Variants in MOGAT1 observed in about 807,000 individuals in gnomAD.
MOGAT1 encodes 2-acylglycerol O-acyltransferase 1.
Under a neutral mutation model 31.4 loss-of-function variants are expected in MOGAT1, and 32 were observed. That is an observed-to-expected ratio of 1.02 (90% CI 0.77 to 1.37). MOGAT1 has a LOEUF of 1.37. MOGAT1 is among the 40% of genes most tolerant of loss of function. MOGAT1 has a pLI of 0.00. For synonymous variants in MOGAT1, 145 were observed against 144.5 expected (o/e 1.00, Z -0.03); for missense variants, 426 against 402.0 (o/e 1.06, Z -0.51).
At position 222,685,895 on chromosome 2, in the gene MOGAT1, C is replaced by T. The variant is rs1240833650; in HGVS notation, c.95-2449C>T. On this transcript the variant is annotated intron_variant, in intron 1 of 5. Transcript: ENST00000446656. ...GATTACAGTCACGAGCCACTGTGCC[C>T]GGCTGTGTTTTCTTCTTTTGATGTA... 4.0e-5 allele frequency among the ~76,000 whole-genome samples: 6 copies of T among 151,810 alleles called. No individual in the cohort carries two copies. In the South Asian group the frequency reaches 6.2e-4, roughly 16 times the overall value.
In MOGAT1 at chr2:222,688,422, T is replaced by G. The variant is rs1291548115; in HGVS notation, c.173T>G (p.Leu58Arg). ...LFLYIPYLMW[L>R]YFDWHTPERG... The stretch of plus-strand genomic sequence containing the variant: ...CTTTACATCCCTTATTTGATGTGGC[T>G]TTACTTTGACTGGCATACCCCAGAG... The change falls in exon 2 of 6, where the codon CTT becomes CGT. Residue 58 changes from leucine to arginine, a missense_variant. Transcript: ENST00000446656. 1 of 1,613,732 alleles carries G rather than the reference T, an allele frequency of 6.2e-7. No individual in the cohort carries two copies. Among genetic ancestry groups the G allele is most frequent in the East Asian group, 2.2e-5 (1 of 44,876 alleles).
chr2:222,704,516 C>G (rs915639118), intron 5 of MOGAT1, among the ~76,000 whole-genome samples: 1 of 151,678 alleles, frequency 6.6e-6, no homozygotes, highest in Non-Finnish European at 1.5e-5. Context: ...CCCAGCTACT[C>G]GGGAGGCTGA....
At chr2:222,690,193 T>G (rs1301847441) in intron 3 of MOGAT1, among the ~76,000 whole-genome samples, 2 of 152,156 alleles carry the variant, frequency 1.3e-5, no homozygotes, top group African/African-American at 4.8e-5. Flanking sequence ...AGGTCAAGGC[T>G]GCAGTGACCG....
intron 3 of MOGAT1, among the ~76,000 whole-genome samples, chr2:222,691,077 T>C (rs976326964): frequency 3.9e-5 from 6 of 152,160 alleles, no homozygotes; most frequent in Non-Finnish European, 7.4e-5. Context: ...ATCAGACACA[T>C]ATACTCCATC....
Position 222,671,698 on chromosome 2 carries a change from C to G in MOGAT1, c.-88C>G, listed in dbSNP as rs1692417958. 6 of 1,144,746 alleles carry G rather than the reference C, an allele frequency of 5.2e-6. No homozygotes were observed. Among genetic ancestry groups the G allele is most frequent in the Admixed American group, 2.1e-5 (1 of 47,726 alleles). The allele number at this position is 1,144,746 out of a possible 1,614,324, so 70.9% of individuals were successfully genotyped here. A position where few individuals can be genotyped will look rare whatever the true frequency, so the allele number is the denominator to read the frequency against. On this transcript the variant is annotated 5_prime_UTR_variant, in exon 1 of 6. Coordinates refer to ENST00000446656, the MANE Select transcript of MOGAT1 (RefSeq NM_058165.3). ...CCCAGCCAGTGCCCAGCGCGGGGCC[C>G]GGATCCGGCCGGGCACTTCCCACAG...
chr2:222,709,314 C>T (rs1693077289), intron 5 of MOGAT1, among the ~76,000 whole-genome samples: 1 of 152,158 alleles, frequency 6.6e-6, no homozygotes, highest in South Asian at 2.1e-4. Context: ...GAGTAAGACT[C>T]TGTCTCAAAA....
chr2:222,694,263 A>G, intron 3 of MOGAT1, 99 bp from the exon 4 acceptor site: 1 of 1,155,816 alleles, frequency 8.7e-7, no homozygotes, highest in Non-Finnish European at 1.2e-6. Flanking sequence ...AGTGTAGGAA[A>G]TTTTGTTAAA....
At chr2:222,708,095 T>C (rs569819932) in intron 5 of MOGAT1, among the ~76,000 whole-genome samples, 17 of 152,266 alleles carry the variant, frequency 1.1e-4, no homozygotes, top group Admixed American at 7.8e-4. Context: ...GTTTGCTTGT[T>C]TGTTTTGAGA....
intron 5 of MOGAT1, among the ~76,000 whole-genome samples, chr2:222,695,998 G>A (rs563862940): frequency 6.6e-6 from 1 of 152,228 alleles, no homozygotes; most frequent in East Asian, 1.9e-4. Flanking sequence ...TCCCACTTAT[G>A]AGTGAGAACA....
chr2:222,686,902 C>T (rs1692677707), intron 1 of MOGAT1, among the ~76,000 whole-genome samples: 1 of 151,936 alleles, frequency 6.6e-6, no homozygotes, highest in African/African-American at 2.4e-5. Flanking sequence ...CACTTGAGGT[C>T]AGGAGTTTGA....
At chr2:222,703,488 G>A (rs1393645059) in intron 5 of MOGAT1, among the ~76,000 whole-genome samples, 1 of 152,078 alleles carries the variant, frequency 6.6e-6, no homozygotes, top group Non-Finnish European at 1.5e-5. Flanking sequence ...AGGGTGGCAT[G>A]TTCTTCCACC....
intron 3 of MOGAT1, among the ~76,000 whole-genome samples, chr2:222,689,733 A>C (rs953841553): frequency 6.6e-6 from 1 of 152,246 alleles, no homozygotes; most frequent in African/African-American, 2.4e-5. Flanking sequence ...AATGAATATT[A>C]ACACAATGAT....
rs749763057 is a variant in MOGAT1, at chr2:222,709,811, T to A, written c.929T>A (p.Met310Lys). ...ATTGAGGAGTTACATCAGACCTATA[T>A]GGAGGAACTTAGGAAATTGTTTGAG... is the stretch of plus-strand genomic sequence containing the variant. ...EQIEELHQTY[M>K]EELRKLFEEH... Residue 310 changes from methionine to lysine, a missense_variant, in exon 6 of 6, where the codon ATG (methionine) becomes AAG (lysine). Met to Lys is a moderately conservative substitution (Grantham distance 95). Coordinates refer to ENST00000446656, the MANE Select transcript of MOGAT1 (RefSeq NM_058165.3). 1 of 1,613,406 alleles carries A rather than the reference T, an allele frequency of 6.2e-7. No individual in the cohort carries two copies. Among genetic ancestry groups the A allele is most frequent in the African/African-American group, 1.3e-5 (1 of 74,840 alleles).
intron 5 of MOGAT1, among the ~76,000 whole-genome samples, chr2:222,708,733 A>G (rs1693067683): frequency 6.6e-6 from 1 of 152,200 alleles, no homozygotes; most frequent in Non-Finnish European, 1.5e-5. Context: ...AGGAATATAA[A>G]CATTTTTTCC....
At chr2:222,697,443 T>C (rs1240114681) in intron 5 of MOGAT1, among the ~76,000 whole-genome samples, 1 of 152,112 alleles carries the variant, frequency 6.6e-6, no homozygotes, top group Non-Finnish European at 1.5e-5. Context: ...CAGACGCACA[T>C]GAAGAGTGAC....
chr2:222,678,338 A>T (rs1692528452), intron 1 of MOGAT1: 1 of 152,180 alleles, frequency 6.6e-6, no homozygotes, highest in South Asian at 2.1e-4. Context: ...TCAGTGACTA[A>T]TGACCGTGAG....
intron 3 of MOGAT1, among the ~76,000 whole-genome samples, chr2:222,692,827 C>G (rs1038705088): frequency 2.6e-5 from 4 of 152,112 alleles, no homozygotes; most frequent in Non-Finnish European, 4.4e-5. Flanking sequence ...CAGAGGCAAG[C>G]TAGGAGAGCC....
intron 1 of MOGAT1, among the ~76,000 whole-genome samples, chr2:222,672,924 T>TATTATTATC (rs1379465680): frequency 1.1e-3 from 165 of 145,770 alleles, no homozygotes; most frequent in African/African-American, 2.6e-3. Context: ...TTATTATTAT[T>TATTATTATC]ATCTTTGAGA....
At chr2:222,682,850 C>CA (rs1692604386) in intron 1 of MOGAT1, among the ~76,000 whole-genome samples, 2 of 152,098 alleles carry the variant, frequency 1.3e-5, no homozygotes, top group African/African-American at 4.8e-5. Context: ...CAAAAGTCTA[C>CA]AAAAGGTCAC....
Sources: gnomAD v4.1 joint callset for allele counts (sites outside exome capture counted in the v4.1 genomes callset) on GRCh38, gnomAD v4.1.1 for gene constraint, MANE v1.5 for transcripts, NCBI Gene and HGNC (gene_info 2026-07-23, HGNC 2026-07-21) for gene names.